The following SUGCT variants were observed in gnomAD, a reference collection of about 807,000 sequenced individuals.
SUGCT encodes succinyl-CoA:glutarate CoA-transferase.
A neutral mutation model predicts 55.0 loss-of-function variants in SUGCT; 41 were observed. The observed-to-expected ratio is 0.74, with a 90% CI of 0.58 to 0.97. The LOEUF is 0.97. SUGCT is among the 50% of genes least tolerant of loss of function. The pLI is 0.00. For missense variants in SUGCT, 568 were observed against 547.8 expected (o/e 1.04, Z -0.37); for synonymous variants, 187 against 200.4 (o/e 0.93, Z 0.56).
chr7:40,313,659 A>G (rs10215161), intron 8 of SUGCT, among the ~76,000 whole-genome samples: 27,023 of 150,596 alleles, frequency 0.18, 2,480 homozygotes, highest in Middle Eastern at 0.23. Flanking sequence ...GTTTTTTTTG[A>G]GACTCTGTTG....
intron 11 of SUGCT, among the ~76,000 whole-genome samples, chr7:40,480,883 T>C (rs1244446118): frequency 1.3e-5 from 2 of 152,130 alleles, no homozygotes; most frequent in African/African-American, 2.4e-5. Flanking sequence ...CACACATACA[T>C]ACACCCAGAG....
intron 12 of SUGCT, among the ~76,000 whole-genome samples, chr7:40,599,341 A>G (rs1048582960): frequency 6.6e-6 from 1 of 152,188 alleles, no homozygotes; most frequent in African/African-American, 2.4e-5. Flanking sequence ...TTTATTTAAA[A>G]TTGAGGAAAT....
intron 11 of SUGCT, among the ~76,000 whole-genome samples, chr7:40,492,175 G>A (rs1472099658): frequency 6.6e-6 from 1 of 152,068 alleles, no homozygotes; most frequent in East Asian, 1.9e-4. Context: ...GGTAAGAAAA[G>A]GCATTCATGA....
At chr7:40,149,527 G>A (rs537485210) in intron 1 of SUGCT, among the ~76,000 whole-genome samples, 37 of 152,322 alleles carry the variant, frequency 2.4e-4, no homozygotes, top group South Asian at 1.9e-3. Flanking sequence ...GGTGGCTCAT[G>A]CCCGTAATCC....
At chr7:40,892,334 A>G in the SUGCT span, among the ~76,000 whole-genome samples, 1 of 152,196 alleles carries the variant, frequency 6.6e-6, no homozygotes. Flanking sequence ...GATAACCACA[A>G]AATAAAACAA....
chr7:40,941,351 A>T, the SUGCT span, among the ~76,000 whole-genome samples: 1 of 152,068 alleles, frequency 6.6e-6, no homozygotes, highest in South Asian at 2.1e-4. Context: ...ACTCAGGGGC[A>T]AATTATTTAA....
intron 12 of SUGCT, among the ~76,000 whole-genome samples, chr7:40,548,118 T>A (rs370839832): frequency 6.6e-6 from 1 of 151,962 alleles, no homozygotes; most frequent in Non-Finnish European, 1.5e-5. Context: ...TCGCATTCTT[T>A]ACTTTTTGTG....
chr7:40,922,379 A>G, the SUGCT span, among the ~76,000 whole-genome samples: 4 of 152,244 alleles, frequency 2.6e-5, no homozygotes, highest in East Asian at 7.7e-4. Flanking sequence ...GCTTTTTAAG[A>G]CCTGGGTGCT....
At chr7:40,540,381 G>A (rs1364559798) in intron 12 of SUGCT, among the ~76,000 whole-genome samples, 1 of 152,210 alleles carries the variant, frequency 6.6e-6, no homozygotes, top group African/African-American at 2.4e-5. Flanking sequence ...ATATTGCAGA[G>A]CCAAAATTCT....
At chr7:40,626,181 A>G (rs1010845754) in intron 12 of SUGCT, among the ~76,000 whole-genome samples, 2 of 150,980 alleles carry the variant, frequency 1.3e-5, no homozygotes, top group African/African-American at 4.9e-5. Flanking sequence ...GCACTCCTTG[A>G]CTCCTCAGGA....
chr7:40,483,750 G>A (rs1791184439), intron 11 of SUGCT, among the ~76,000 whole-genome samples: 1 of 151,290 alleles, frequency 6.6e-6, no homozygotes, highest in South Asian at 2.1e-4. Context: ...ATGACCCTTA[G>A]TCCCATGAAA....
chr7:40,605,048 G>A (rs1030398276), intron 12 of SUGCT, among the ~76,000 whole-genome samples: 4 of 152,334 alleles, frequency 2.6e-5, no homozygotes, highest in African/African-American at 7.2e-5. Context: ...CAGCACACGC[G>A]TCCGCCTCTC....
At chr7:40,346,919 G>C (rs1346015064) in intron 9 of SUGCT, among the ~76,000 whole-genome samples, 1 of 152,206 alleles carries the variant, frequency 6.6e-6, no homozygotes, top group Non-Finnish European at 1.5e-5. Flanking sequence ...TCTCGGACTT[G>C]AACCTTCAGA....
At chr7:41,001,965 A>G in the SUGCT span, among the ~76,000 whole-genome samples, 7 of 152,334 alleles carry the variant, frequency 4.6e-5, no homozygotes, top group East Asian at 9.6e-4. Context: ...AAAAGACAAG[A>G]GTGCATGAGA....
At chr7:40,417,811 T>C (rs2151360653) in intron 9 of SUGCT, among the ~76,000 whole-genome samples, 1 of 151,990 alleles carries the variant, frequency 6.6e-6, no homozygotes, top group Non-Finnish European at 1.5e-5. Context: ...AACATGGGTA[T>C]GAATCTCTTT....
At chr7:40,753,588 C>T (rs1386566012) in intron 13 of SUGCT, among the ~76,000 whole-genome samples, 1 of 152,148 alleles carries the variant, frequency 6.6e-6, no homozygotes, top group Non-Finnish European at 1.5e-5. Context: ...CTTCTTGCAA[C>T]CAGTACTGAA....
At chr7:40,620,759 G>A (rs928995479) in intron 12 of SUGCT, among the ~76,000 whole-genome samples, 1 of 152,094 alleles carries the variant, frequency 6.6e-6, no homozygotes, top group Admixed American at 6.6e-5. Context: ...TAATAATAAT[G>A]AGACTGATAA....
At chr7:40,878,659 A>G in the SUGCT span, among the ~76,000 whole-genome samples, 1 of 152,122 alleles carries the variant, frequency 6.6e-6, no homozygotes, top group East Asian at 1.9e-4. Flanking sequence ...CTGTGTGCAG[A>G]TGTCTGGATG....
intron 7 of SUGCT, among the ~76,000 whole-genome samples, chr7:40,245,450 T>TAA (rs1469872903): frequency 4.8e-5 from 4 of 82,790 alleles, no homozygotes; most frequent in Non-Finnish European, 8.8e-5. Flanking sequence ...TTTTTTTTTT[T>TAA]TTTTTTTGAG....
Sources: gnomAD v4.1 joint callset for allele counts (sites outside exome capture counted in the v4.1 genomes callset) on GRCh38, gnomAD v4.1.1 for gene constraint, MANE v1.5 for transcripts, NCBI Gene and HGNC (gene_info 2026-07-23, HGNC 2026-07-21) for gene names.